PLXNA4: variants seen among roughly 807,000 people sequenced by gnomAD.
The protein encoded by PLXNA4 is plexin-A4.
A neutral mutation model predicts 191.8 loss-of-function variants in PLXNA4; 44 were observed. The ratio of observed to expected loss-of-function variants is 0.23; its 90% CI spans 0.18 to 0.29. The LOEUF is 0.29. Among genes scored for constraint, PLXNA4 ranks in the 10% least tolerant of loss-of-function variants. The probability of loss-of-function intolerance (pLI) is 1.00; values close to 1 mark genes in which losing one functional copy is unlikely to be tolerated. For missense variants in PLXNA4, 1,800 were observed against 2,488.8 expected, an observed-to-expected ratio of 0.72 and a Z score of 5.89; for synonymous variants, 1,082 against 1,009.5, an observed-to-expected ratio of 1.07 and a Z score of -1.36.
intron 3 of PLXNA4, among the ~76,000 whole-genome samples, chr7:132,310,951 G>T (rs1188466187): frequency 6.6e-6 from 1 of 152,198 alleles, no homozygotes; most frequent in Non-Finnish European, 1.5e-5. Context: ...AGGCTGGGGT[G>T]CCTTTCTCCA....
intron 3 of PLXNA4, among the ~76,000 whole-genome samples, chr7:132,300,459 A>G (rs1281223695): frequency 2.0e-5 from 3 of 152,254 alleles, no homozygotes; most frequent in Non-Finnish European, 4.4e-5. Context: ...TAATGAATGT[A>G]GTTCAGATTC....
chr7:132,229,286 C>T (rs1206345269), intron 5 of PLXNA4, among the ~76,000 whole-genome samples: 3 of 152,182 alleles, frequency 2.0e-5, no homozygotes, highest in African/African-American at 7.2e-5. Context: ...TGTATGGTGT[C>T]ACAAGTGGAC....
intron 14 of PLXNA4, among the ~76,000 whole-genome samples, chr7:132,190,581 G>A (rs879624032): frequency 4.6e-5 from 7 of 152,338 alleles, no homozygotes; most frequent in Non-Finnish European, 7.4e-5. Flanking sequence ...TCCTGTGTCC[G>A]GAGGTTTAGC....
intron 2 of PLXNA4, among the ~76,000 whole-genome samples, chr7:132,634,311 C>T (rs150800279): frequency 4.9e-4 from 74 of 152,272 alleles, no homozygotes; most frequent in African/African-American, 1.6e-3. Context: ...AGCCCACTGC[C>T]ACTAGTCTGC....
intron 25 of PLXNA4, 38 bp from the exon 26 acceptor site, chr7:132,148,684 G>T (rs1795505821): frequency 6.2e-7 from 1 of 1,613,238 alleles, no homozygotes; most frequent in Admixed American, 1.7e-5. Context: ...GAGGCCCTAT[G>T]ACCCCTCTTG....
intron 22 of PLXNA4, among the ~76,000 whole-genome samples, chr7:132,166,995 A>T (rs1398748636): frequency 6.6e-6 from 1 of 152,186 alleles, no homozygotes; most frequent in East Asian, 1.9e-4. Context: ...AGTGGGAGCC[A>T]CTGAAGCTCA....
At position 132,507,512 on chromosome 7, in the gene PLXNA4, G is replaced by A. The variant is rs1451332097; in HGVS notation, c.1182C>T (p.Ser394=). Residue 394 remains serine (S), a synonymous_variant, in exon 2 of 32, where the codon AGC becomes AGT. Coordinates refer to ENST00000321063, the MANE Select transcript of PLXNA4 (RefSeq NM_020911.2). ...CAGCCCTCCCTGTACTCACCGCACT[G>A]CTGCAGGGGATGTCCTTCACCTTGA... ...AWLKVKDIPC[S]SALLTIDDNF... 6.2e-7 allele frequency: 1 copy of A among 1,609,952 alleles called. No homozygotes were observed. The highest frequency in any genetic ancestry group is 8.5e-7 in the Non-Finnish European group (1 of 1,178,278).
At chr7:132,346,241 A>G (rs1241166388) in intron 3 of PLXNA4, among the ~76,000 whole-genome samples, 1 of 152,220 alleles carries the variant, frequency 6.6e-6, no homozygotes, top group Non-Finnish European at 1.5e-5. Flanking sequence ...ACTAAATGAG[A>G]TATGTCATAG....
intron 4 of PLXNA4, among the ~76,000 whole-genome samples, chr7:132,271,545 G>A (rs1800072920): frequency 6.6e-6 from 1 of 152,156 alleles, no homozygotes; most frequent in South Asian, 2.1e-4. Context: ...CAGAGGCTGA[G>A]GCACCTCTTT....
intron 3 of PLXNA4, among the ~76,000 whole-genome samples, chr7:132,400,608 G>T (rs1456683101): frequency 6.6e-6 from 1 of 152,140 alleles, no homozygotes; most frequent in Non-Finnish European, 1.5e-5. Flanking sequence ...ATAGTTTTCA[G>T]GCAAAACACA....
At chr7:132,467,063 C>T (rs1202878519) in intron 3 of PLXNA4, among the ~76,000 whole-genome samples, 2 of 152,172 alleles carry the variant, frequency 1.3e-5, no homozygotes, top group African/African-American at 2.4e-5. Flanking sequence ...TTGCTCCACA[C>T]ATGGAAAAGC....
At chr7:132,373,476 T>G (rs1462732397) in intron 3 of PLXNA4, among the ~76,000 whole-genome samples, 1 of 152,152 alleles carries the variant, frequency 6.6e-6, no homozygotes, top group Non-Finnish European at 1.5e-5. Context: ...AAGGTTCGAT[T>G]TTGTGTGTCT....
chr7:132,511,120 G>C (rs1798697043), intron 1 of PLXNA4, among the ~76,000 whole-genome samples: 1 of 152,148 alleles, frequency 6.6e-6, no homozygotes. Flanking sequence ...TGCACATATA[G>C]AGGAGGCTCA....
intron 3 of PLXNA4, among the ~76,000 whole-genome samples, chr7:132,370,612 CTGTT>C (rs1482131942): frequency 1.3e-5 from 2 of 152,312 alleles, no homozygotes; most frequent in South Asian, 2.1e-4. Flanking sequence ...ATCCTGGACT[CTGTT>C]TGTGTGCCTG....
chr7:132,531,007 C>G (rs375234850), intron 1 of PLXNA4, among the ~76,000 whole-genome samples: 2 of 152,202 alleles, frequency 1.3e-5, no homozygotes, highest in African/African-American at 4.8e-5. Context: ...ATCTACTTAT[C>G]TGAATCTCAA....
intron 3 of PLXNA4, among the ~76,000 whole-genome samples, chr7:132,479,274 GAAA>G (rs11310613): frequency 7.0e-6 from 1 of 142,014 alleles, no homozygotes; most frequent in Admixed American, 7.1e-5. Flanking sequence ...ATCTCTTTGG[GAAA>G]AAAAAAAAAA....
At chr7:132,457,662 TGGA>T (rs748129748) in intron 3 of PLXNA4, among the ~76,000 whole-genome samples, 168 of 152,310 alleles carry the variant, frequency 1.1e-3, no homozygotes, top group African/African-American at 3.8e-3. Context: ...GACCTTGAGA[TGGA>T]GGAGATTACC....
At chr7:132,378,142 T>A (rs1012021906) in intron 3 of PLXNA4, among the ~76,000 whole-genome samples, 1 of 152,168 alleles carries the variant, frequency 6.6e-6, no homozygotes, top group African/African-American at 2.4e-5. Flanking sequence ...GAAACACATA[T>A]GTTATTCTCA....
chr7:132,298,449 C>T (rs1801188019), intron 3 of PLXNA4, among the ~76,000 whole-genome samples: 1 of 152,210 alleles, frequency 6.6e-6, no homozygotes, highest in Non-Finnish European at 1.5e-5. Context: ...ACCAAGAATC[C>T]AGTCTTAATC....
Sources: gnomAD v4.1 joint callset for allele counts (sites outside exome capture counted in the v4.1 genomes callset) on GRCh38, gnomAD v4.1.1 for gene constraint, MANE v1.5 for transcripts, NCBI Gene and HGNC (gene_info 2026-07-23, HGNC 2026-07-21) for gene names.